Variants in CERK observed in about 807,000 individuals in gnomAD.
CERK encodes acylsphingosine kinase.
A neutral mutation model predicts 63.4 loss-of-function variants in CERK; 39 were observed. The observed-to-expected ratio is 0.61, with a 90% CI of 0.48 to 0.80. The LOEUF (loss-of-function observed/expected upper bound fraction) is 0.80, where lower values mean the gene tolerates loss of function less well. CERK is among the 30% of genes least tolerant of loss of function. The pLI is 0.00. For synonymous variants in CERK, 302 were observed against 280.0 expected, an observed-to-expected ratio of 1.08 and a Z score of -0.78; for missense variants, 670 against 714.1, an observed-to-expected ratio of 0.94 and a Z score of 0.70.
intron 6 of CERK, among the ~76,000 whole-genome samples, chr22:46,703,435 A>G (rs1220209153): frequency 6.6e-6 from 1 of 151,922 alleles, no homozygotes; most frequent in East Asian, 1.9e-4. Flanking sequence ...GAGTGAGTTC[A>G]GGTACCTGCT....
chr22:46,687,658 T>C (rs1221875104), intron 12 of CERK, among the ~76,000 whole-genome samples: 1 of 143,746 alleles, frequency 7.0e-6, no homozygotes, highest in African/African-American at 2.5e-5. Context: ...GGCGACTCAA[T>C]GCGTGTAAGA....
Position 46,702,535 on chromosome 22 carries a change from C to G in CERK, c.716-825G>C, listed in dbSNP as rs577673637. 2.0e-5 allele frequency among the ~76,000 whole-genome samples: 3 copies of G among 152,270 alleles called. No individual in the cohort carries two copies. In the South Asian group the frequency reaches 6.2e-4, roughly 32 times the overall value. On this transcript the variant is annotated intron_variant, in intron 6 of 12. Coordinates refer to ENST00000216264, the MANE Select transcript of CERK (RefSeq NM_022766.6). Reference sequence around the variant, plus strand: ...CTCTAACTGTTGACCTCGTGATCCGCCCGCCTTGGCCTCCCAAAGTGCTGG... The same window carrying G: ...CTCTAACTGTTGACCTCGTGATCCGGCCGCCTTGGCCTCCCAAAGTGCTGG...
At chr22:46,731,648 G>A (rs1469268616) in intron 1 of CERK, among the ~76,000 whole-genome samples, 1 of 152,232 alleles carries the variant, frequency 6.6e-6, no homozygotes, top group Non-Finnish European at 1.5e-5. Flanking sequence ...ATGTCAGGCA[G>A]GGAGGGCAGA....
At chr22:46,689,933 G>T in intron 12 of CERK, 59 bp downstream of exon 12, 1 of 1,368,382 alleles carries the variant, frequency 7.3e-7, no homozygotes, top group Non-Finnish European at 9.8e-7. Flanking sequence ...GGCAGCTTGT[G>T]ACAGACACCT....
Position 46,690,117 on chromosome 22 carries a change from G to A in CERK, c.1416C>T (p.Leu472=), listed in dbSNP as rs1445443928. ...CAAAGCGCTTCTTCCCCCCCTCCTT[G>A]AGGTCGCTGTCCTCATCCTCCATGT... The part of the protein sequence containing the change: ...SKHMEDEDSD[L]KEGGKKRFGH... The change falls in exon 12 of 13, where the codon CTC becomes CTT. Residue 472 remains leucine, a synonymous_variant. Transcript: ENST00000216264. The A allele has an allele frequency of 1.9e-6, 3 of 1,614,098 alleles. No homozygotes were observed. Among genetic ancestry groups the A allele is most frequent in the Non-Finnish European group, 2.5e-6 (3 of 1,180,018 alleles).
intron 7 of CERK, among the ~76,000 whole-genome samples, chr22:46,701,069 G>T (rs1238971945): frequency 6.6e-6 from 1 of 152,184 alleles, no homozygotes; most frequent in Non-Finnish European, 1.5e-5. Context: ...GTGACTTCAG[G>T]TGAGGCACGG....
At chr22:46,737,517 C>T (rs73473225) in intron 1 of CERK, among the ~76,000 whole-genome samples, 325 of 152,322 alleles carry the variant, frequency 2.1e-3, no homozygotes, top group African/African-American at 7.6e-3. Context: ...AAGTCAGGGG[C>T]CCCTTCTTTA....
At chr22:46,702,807 T>C (rs1275831769) in intron 6 of CERK, among the ~76,000 whole-genome samples, 1 of 152,230 alleles carries the variant, frequency 6.6e-6, no homozygotes, top group Non-Finnish European at 1.5e-5. Context: ...TCGCACGGCC[T>C]TCCCTCTGAG....
intron 6 of CERK, among the ~76,000 whole-genome samples, chr22:46,704,037 C>T (rs191719779): frequency 2.6e-5 from 4 of 152,374 alleles, no homozygotes; most frequent in Admixed American, 2.6e-4. Flanking sequence ...GACCCTCCCC[C>T]AGTGGCATTT....
intron 5 of CERK, 34 bp downstream of exon 5, chr22:46,711,052 T>C (rs1440721919): frequency 1.3e-6 from 2 of 1,576,420 alleles, no homozygotes; most frequent in Non-Finnish European, 8.7e-7. Context: ...TCATTAACAA[T>C]GGACTTGATG....
rs567786852 is a variant in CERK at position 46,714,225 on chromosome 22, C to T, written c.380-1932G>A. Among the ~76,000 whole-genome samples the T allele has an allele frequency of 3.2e-4, 49 of 152,274 alleles. No individual in the cohort carries two copies. The highest frequency in any genetic ancestry group is 5.5e-4 in the African/African-American group (23 of 41,566). ...AGTGGAGGTTGCAGTGAGCCAAGAT[C>T]GCGCCATTGCACTCCAGCCTGGGTG... On this transcript the variant is annotated intron_variant, in intron 3 of 12. Coordinates refer to ENST00000216264, the MANE Select transcript of CERK (RefSeq NM_022766.6). The surrounding 1 kb of genome is among the most constrained non-coding windows in gnomAD (Gnocchi z 4.4).
intron 12 of CERK, among the ~76,000 whole-genome samples, chr22:46,688,029 T>G (rs2082712072): frequency 6.6e-6 from 1 of 152,040 alleles, no homozygotes; most frequent in Non-Finnish European, 1.5e-5. Flanking sequence ...AAACCCCGTC[T>G]CTACTAAAAA....
intron 1 of CERK, among the ~76,000 whole-genome samples, chr22:46,722,629 G>A (rs1408437294): frequency 1.3e-5 from 2 of 148,238 alleles, no homozygotes; most frequent in East Asian, 2.0e-4. Context: ...GCTCCATCTC[G>A]GCTCACCGCA....
chr22:46,730,742 A>T (rs2082941300), intron 1 of CERK, among the ~76,000 whole-genome samples: 1 of 152,242 alleles, frequency 6.6e-6, no homozygotes, highest in Non-Finnish European at 1.5e-5. Context: ...TCTGACAGGC[A>T]GAGAAAAGGC....
At chr22:46,693,134 G>T (rs79156019) in intron 10 of CERK, among the ~76,000 whole-genome samples, 2,546 of 152,210 alleles carry the variant, frequency 0.017, 73 homozygotes, top group African/African-American at 0.058. Context: ...TGGGACATCT[G>T]CTGCCCCCAC....
chr22:46,687,501 A>C (rs2082708527), intron 12 of CERK, among the ~76,000 whole-genome samples: 1 of 152,198 alleles, frequency 6.6e-6, no homozygotes, highest in African/African-American at 2.4e-5. Context: ...CAGGTGGGAA[A>C]TCTGGGCATC....
intron 10 of CERK, 102 bp downstream of exon 10, chr22:46,693,325 A>T: frequency 2.1e-6 from 2 of 938,862 alleles, no homozygotes; most frequent in Non-Finnish European, 1.7e-6. Context: ...AAAAAGGAAA[A>T]GCACAGGTGG....
chr22:46,722,842 G>A (rs554896071), intron 1 of CERK, among the ~76,000 whole-genome samples: 72 of 152,300 alleles, frequency 4.7e-4, no homozygotes, highest in African/African-American at 1.0e-3. Flanking sequence ...CAGAAGGAGC[G>A]ACACAGGTGC....
At chr22:46,727,380 T>C (rs57147704) in intron 1 of CERK, among the ~76,000 whole-genome samples, 36,534 of 151,132 alleles carry the variant, frequency 0.24, 5,329 homozygotes, top group East Asian at 0.37. Flanking sequence ...CCCAGGCTCA[T>C]GCAATCCTCC....
Sources: gnomAD v4.1 joint callset for allele counts (sites outside exome capture counted in the v4.1 genomes callset) on GRCh38, gnomAD v4.1.1 for gene constraint, Gnocchi (gnomAD v3.1) non-coding constraint, MANE v1.5 for transcripts, NCBI Gene and HGNC (gene_info 2026-07-23, HGNC 2026-07-21) for gene names.